ERO1A: variants seen among roughly 807,000 people sequenced by gnomAD.
The protein encoded by ERO1A is ERO1-like protein alpha.
Under a neutral mutation model 76.9 loss-of-function variants are expected in ERO1A, and 49 were observed. The ratio of observed to expected loss-of-function variants is 0.64; its 90% confidence interval spans 0.51 to 0.81. The LOEUF (loss-of-function observed/expected upper bound fraction) is 0.81. Among genes scored for constraint, ERO1A ranks in the 30% least tolerant of loss-of-function variants. The probability of loss-of-function intolerance (pLI) is 0.00; values close to 1 mark genes in which losing one functional copy is unlikely to be tolerated. For synonymous variants in ERO1A, 174 were observed against 181.2 expected, an observed-to-expected ratio of 0.96 and a Z score of 0.32; for missense variants, 448 against 542.1, an observed-to-expected ratio of 0.83 and a Z score of 1.72.
intron 6 of ERO1A, among the ~76,000 whole-genome samples, chr14:52,670,571 T>C (rs1282164219): frequency 6.6e-6 from 1 of 152,164 alleles, no homozygotes; most frequent in African/African-American, 2.4e-5. Flanking sequence ...CTGGGGCTCC[T>C]AGCTTTTAAC....
chr14:52,646,279 A>T lies in ERO1A; in HGVS notation c.1221T>A (p.Gly407=). ...CRLWGKLQTQ[G]LGTALKILFS... Reference sequence around the variant, plus strand: ...ATAAGATCTTCAGAGCAGTGCCCAAACCCTGAGTCTGTAATAGAAATAAGG... The same window carrying T: ...ATAAGATCTTCAGAGCAGTGCCCAATCCCTGAGTCTGTAATAGAAATAAGG... Residue 407 remains glycine, a synonymous_variant, in exon 15 of 16, where the codon GGT becomes GGA. Transcript: ENST00000395686. 6.2e-7 allele frequency: 1 copy of T among 1,608,176 alleles called. No individual in the cohort carries two copies. Among genetic ancestry groups the T allele is most frequent in the Non-Finnish European group, 8.5e-7 (1 of 1,178,604 alleles).
At position 52,642,444 on chromosome 14, in the gene ERO1A, A is replaced by G. The variant is rs755552770; in HGVS notation, c.*1126T>C. 5 of 152,156 alleles carry G rather than the reference A, an allele frequency of 3.3e-5. No individual in the cohort carries two copies. The highest frequency in any genetic ancestry group is 7.3e-5 in the Non-Finnish European group (5 of 68,036). 9.4% of individuals were successfully genotyped at this position (152,156 alleles called of 1,614,324 possible). A position where few individuals can be genotyped will look rare whatever the true frequency, so the allele number is the denominator to read the frequency against. ...AGCATAAAACGGGCAACAAAACTCA[A>G]AAAGAACTTTAGATTGGAACTTGAA... is the stretch of plus-strand genomic sequence containing the variant. On this transcript the variant is annotated 3_prime_UTR_variant, in exon 16 of 16. Coordinates refer to ENST00000395686, the MANE Select transcript of ERO1A (RefSeq NM_014584.3).
chr14:52,672,615 T>A (rs1027929568), intron 4 of ERO1A, among the ~76,000 whole-genome samples: 21 of 151,134 alleles, frequency 1.4e-4, no homozygotes, highest in Non-Finnish European at 2.5e-4. Flanking sequence ...CAAAAAAAAA[T>A]TTTAATTAGC....
intron 2 of ERO1A, 73 bp downstream of exon 2, chr14:52,683,715 G>A: frequency 1.5e-6 from 1 of 665,490 alleles, no homozygotes; most frequent in Non-Finnish European, 2.3e-6. Context: ...CAATTTTGAA[G>A]CTCAGTAATT....
intron 1 of ERO1A, among the ~76,000 whole-genome samples, chr14:52,687,910 G>A (rs2041230189): frequency 6.6e-6 from 1 of 152,192 alleles, no homozygotes; most frequent in Admixed American, 6.5e-5. Flanking sequence ...TTCTGTTCCA[G>A]CATGGTGGCT....
chr14:52,646,374 C>A lies in ERO1A; in HGVS notation c.1212+1G>T, dbSNP rs749937959. 4 of 1,611,088 alleles carry A rather than the reference C, an allele frequency of 2.5e-6. No homozygotes were observed. The highest frequency in any genetic ancestry group is 3.4e-6 in the Non-Finnish European group (4 of 1,178,920). On this transcript the variant is annotated splice_donor_variant, in intron 14 of 15. Transcript: ENST00000395686. LOFTEE classifies it high-confidence loss of function. ...AAATAGGAATGACTAAATTTGCTTA[C>A]CTGAAGCTTTCCCCACAGACGACAT...
rs1041744435 is a variant in ERO1A at position 52,695,404 on chromosome 14, C to T, written c.78G>A (p.Gln26=). The change falls in exon 1 of 16, where the codon CAG becomes CAA. Residue 26 remains glutamine (Q), a synonymous_variant. Transcript: ENST00000395686. ...ACCTCTGTGCCGCTGTCTCCGGGGG[C>T]TGCTCCTCTCCGTGGCCCGAGCTGA... ...WLLSSGHGEE[Q]PPETAAQRCF... is the part of the protein sequence containing the mutation. 16 of 1,541,006 alleles carry T rather than the reference C, an allele frequency of 1.0e-5. No individual in the cohort carries two copies. Among genetic ancestry groups the T allele is most frequent in the African/African-American group, 1.4e-5 (1 of 71,404 alleles).
At chr14:52,669,104 G>T (rs1380904650) in intron 6 of ERO1A, among the ~76,000 whole-genome samples, 1 of 151,958 alleles carries the variant, frequency 6.6e-6, no homozygotes, top group East Asian at 1.9e-4. Context: ...TTCCAATTAG[G>T]ATTTTAAAAA....
chr14:52,678,188 G>A (rs936333612), intron 4 of ERO1A: 3 of 287,480 alleles, frequency 1.0e-5, no homozygotes, highest in South Asian at 1.2e-4. Context: ...CGCTTGAACC[G>A]GGGAGGCGGA....
chr14:52,671,465 G>T (rs1409055090), intron 6 of ERO1A, 165 bp downstream of exon 6: 7 of 533,260 alleles, frequency 1.3e-5, no homozygotes, highest in Non-Finnish European at 2.0e-5. Context: ...TTACTATGTT[G>T]CCCAGTCTGG....
At chr14:52,664,616 G>A (rs1342026898) in intron 7 of ERO1A, among the ~76,000 whole-genome samples, 1 of 152,180 alleles carries the variant, frequency 6.6e-6, no homozygotes, top group South Asian at 2.1e-4. Flanking sequence ...ACACAAATTA[G>A]TAAGAAAATG....
At chr14:52,671,496 G>A in intron 6 of ERO1A, 134 bp downstream of exon 6, 1 of 580,652 alleles carries the variant, frequency 1.7e-6, no homozygotes, top group African/African-American at 1.9e-5. Context: ...CTGGGCTCCA[G>A]TGATTCTCCT....
rs188917391 is a variant in ERO1A, at chr14:52,665,105, C to G, written c.630-1258G>C. Among the ~76,000 whole-genome samples the G allele has an allele frequency of 1.2e-4, 18 of 151,758 alleles. No individual in the cohort carries two copies. The East Asian group carries it at 3.6e-3, about 30-fold the overall frequency. On this transcript the variant is annotated intron_variant, in intron 7 of 15. Transcript: ENST00000395686. ...TCACCTGAGGTCAGGAGTTCAAGAA[C>G]AGCCTGGACAACATGGTGAAACCCC...
chr14:52,665,225 C>A (rs906288428), intron 7 of ERO1A, among the ~76,000 whole-genome samples: 1 of 147,468 alleles, frequency 6.8e-6, no homozygotes, highest in Non-Finnish European at 1.5e-5. Context: ...TCGCTTGAAC[C>A]TGGGAGGCAG....
chr14:52,690,530 CAGG>C (rs2041320469), intron 1 of ERO1A, among the ~76,000 whole-genome samples: 1 of 152,122 alleles, frequency 6.6e-6, no homozygotes, highest in Non-Finnish European at 1.5e-5. Flanking sequence ...CACCTGAGGT[CAGG>C]AGTTCAAAAT....
intron 6 of ERO1A, among the ~76,000 whole-genome samples, chr14:52,671,302 T>A (rs1295874786): frequency 6.6e-6 from 1 of 152,244 alleles, no homozygotes; most frequent in Non-Finnish European, 1.5e-5. Context: ...TGCTTTGCCA[T>A]CTGTTTGAGT....
chr14:52,654,334 A>C (rs531159603), intron 11 of ERO1A, among the ~76,000 whole-genome samples: 2 of 152,166 alleles, frequency 1.3e-5, no homozygotes, highest in Non-Finnish European at 2.9e-5. Context: ...TTTTAGATGT[A>C]TTTCCAAAAT....
chr14:52,641,397 C>T lies in ERO1A; in HGVS notation c.*2173G>A, dbSNP rs1357647360. 1.5e-5 allele frequency: 2 copies of T among 136,778 alleles called. No individual in the cohort carries two copies. Among genetic ancestry groups the T allele is most frequent in the Non-Finnish European group, 3.1e-5 (2 of 65,402 alleles). The allele number at this position is 136,778 out of a possible 1,614,324, so 8.5% of individuals were successfully genotyped here. On this transcript the variant is annotated 3_prime_UTR_variant, in exon 16 of 16. Coordinates refer to ENST00000395686, the MANE Select transcript of ERO1A (RefSeq NM_014584.3). ...TGGGTGGATCACGAGGTCAGGAGAT[C>T]AAGACCATCCTGGCTAACACGGTGA...
intron 8 of ERO1A, among the ~76,000 whole-genome samples, chr14:52,663,557 G>A (rs1242669152): frequency 6.7e-6 from 1 of 149,726 alleles, no homozygotes; most frequent in Admixed American, 6.7e-5. Context: ...CCAAAGTCAC[G>A]CCACTGCACT....
Sources: allele counts gnomAD v4.1 joint callset (sites outside exome capture counted in the v4.1 genomes callset), GRCh38; gene constraint gnomAD v4.1.1; transcripts MANE v1.5; gene names NCBI Gene and HGNC (gene_info 2026-07-23, HGNC 2026-07-21).